TENM2: variants seen among roughly 807,000 people sequenced by gnomAD.
TENM2 encodes teneurin transmembrane protein 2.
A neutral mutation model predicts 245.2 loss-of-function variants in TENM2; 52 were observed. That is an observed-to-expected ratio of 0.21 (90% CI 0.17 to 0.27). TENM2 has a LOEUF of 0.27. Among genes scored for constraint, TENM2 ranks in the 10% least tolerant of loss-of-function variants. The probability of loss-of-function intolerance (pLI) is 1.00; values close to 1 mark genes in which losing one functional copy is unlikely to be tolerated. For missense variants in TENM2, 3,046 were observed against 3,666.8 expected (o/e 0.83, Z 4.37); for synonymous variants, 1,363 against 1,438.9 (o/e 0.95, Z 1.19).
At chr5:168,161,424 T>C (rs1757730792) in intron 12 of TENM2, among the ~76,000 whole-genome samples, 1 of 152,196 alleles carries the variant, frequency 6.6e-6, no homozygotes, top group African/African-American at 2.4e-5. Flanking sequence ...ATATCCCAAG[T>C]GCACAACTCT....
At chr5:167,199,097 T>TAAAAAAA in the TENM2 span, among the ~76,000 whole-genome samples, 43 of 79,222 alleles carry the variant, frequency 5.4e-4, no homozygotes, top group Admixed American at 8.3e-4. Context: ...TGATATGAAG[T>TAAAAAAA]AAAAAAAAAA....
chr5:168,163,012 G>A (rs1342020395), intron 13 of TENM2, among the ~76,000 whole-genome samples: 1 of 152,208 alleles, frequency 6.6e-6, no homozygotes, highest in East Asian at 1.9e-4. Flanking sequence ...AAAGGTGGCT[G>A]GGCCCTGGCG....
rs374864240 is a variant in TENM2, at chr5:167,328,976, G to A, written c.226+43913G>A. ...CCATATCCGTGATGTCTAAAATCGT[G>A]ACCAATATATGTTGGTTGAATGAAT... On this transcript the variant is annotated intron_variant, in intron 1 of 28. Coordinates refer to ENST00000518659, the Ensembl canonical transcript of TENM2. Among the ~76,000 whole-genome samples, 5 of 152,238 alleles carry A rather than the reference G, an allele frequency of 3.3e-5. No individual in the cohort carries two copies. The South Asian group carries it at 6.2e-4, about 19-fold the overall frequency.
At chr5:167,507,456 C>A (rs148147541) in intron 2 of TENM2, among the ~76,000 whole-genome samples, 1 of 152,116 alleles carries the variant, frequency 6.6e-6, no homozygotes, top group Non-Finnish European at 1.5e-5. Flanking sequence ...AAGAGTATAT[C>A]TTTTATATAA....
At chr5:167,582,817 A>G (rs1321859482) in intron 2 of TENM2, among the ~76,000 whole-genome samples, 3 of 152,154 alleles carry the variant, frequency 2.0e-5, no homozygotes, top group Admixed American at 6.5e-5. Flanking sequence ...ACACTTGACT[A>G]TTACATCCAA....
intron 1 of TENM2, among the ~76,000 whole-genome samples, chr5:167,304,802 T>C (rs957717378): frequency 6.6e-6 from 1 of 152,202 alleles, no homozygotes; most frequent in Non-Finnish European, 1.5e-5. Flanking sequence ...TCTAAACACA[T>C]GCTTAGCAAA....
At chr5:167,932,830 T>C (rs1016745758) in intron 3 of TENM2, among the ~76,000 whole-genome samples, 43 of 152,282 alleles carry the variant, frequency 2.8e-4, no homozygotes, top group African/African-American at 9.6e-4. Context: ...ATGTGGTCCG[T>C]GGCCATCGTT....
chr5:168,091,181 C>T (rs577829020), intron 8 of TENM2, among the ~76,000 whole-genome samples: 5 of 152,054 alleles, frequency 3.3e-5, no homozygotes, highest in East Asian at 1.9e-4. Context: ...AAACTACTGG[C>T]GATTCACATC....
At chr5:167,798,942 A>G (rs1384632154) in intron 2 of TENM2, among the ~76,000 whole-genome samples, 1 of 152,194 alleles carries the variant, frequency 6.6e-6, no homozygotes, top group Non-Finnish European at 1.5e-5. Context: ...TCTTCTGCCC[A>G]ATTGTCCCCA....
At chr5:167,151,175 G>A in the TENM2 span, among the ~76,000 whole-genome samples, 4 of 152,188 alleles carry the variant, frequency 2.6e-5, no homozygotes, top group African/African-American at 9.6e-5. Context: ...TAATAAAGGG[G>A]ATCTTGGGGA....
chr5:167,522,801 G>A (rs1434787222), intron 2 of TENM2, among the ~76,000 whole-genome samples: 1 of 130,052 alleles, frequency 7.7e-6, no homozygotes, highest in African/African-American at 2.9e-5. Flanking sequence ...ACTTTACCCA[G>A]CAAATAGGCC....
chr5:167,514,924 T>A (rs1160183995), intron 2 of TENM2, among the ~76,000 whole-genome samples: 1 of 152,026 alleles, frequency 6.6e-6, no homozygotes, highest in African/African-American at 2.4e-5. Context: ...GGCAGGAGAA[T>A]CGCTTGAACC....
intron 2 of TENM2, among the ~76,000 whole-genome samples, chr5:167,611,811 C>T (rs913637728): frequency 2.0e-4 from 31 of 152,004 alleles, no homozygotes; most frequent in Admixed American, 2.0e-3. Flanking sequence ...TCTGGGGCCT[C>T]TTCTATAACG....
At chr5:167,343,806 GTCTA>G in intron 1 of TENM2, among the ~76,000 whole-genome samples, 1 of 152,098 alleles carries the variant, frequency 6.6e-6, no homozygotes, top group South Asian at 2.1e-4. Context: ...AGTTATGATG[GTCTA>G]TCTTTTGGTA....
intron 2 of TENM2, among the ~76,000 whole-genome samples, chr5:167,795,217 G>C (rs557473843): frequency 1.3e-5 from 2 of 152,290 alleles, no homozygotes; most frequent in East Asian, 3.9e-4. Flanking sequence ...TTTAAGCAAA[G>C]TAGTAATCTC....
intron 2 of TENM2, among the ~76,000 whole-genome samples, chr5:167,436,139 C>T (rs563322363): frequency 3.0e-4 from 46 of 151,626 alleles, no homozygotes; most frequent in Non-Finnish European, 6.0e-4. Flanking sequence ...CCACCACACC[C>T]GGCTAATTTT....
intron 2 of TENM2, among the ~76,000 whole-genome samples, chr5:167,446,788 A>AACGCGCAC (rs1374181730): frequency 3.5e-4 from 32 of 92,346 alleles, no homozygotes; most frequent in Non-Finnish European, 5.7e-4. Flanking sequence ...CAGTTTTTGA[A>AACGCGCAC]ACACGCACAC....
At chr5:167,158,845 G>GCCCT in the TENM2 span, among the ~76,000 whole-genome samples, 184 of 119,480 alleles carry the variant, frequency 1.5e-3, 1 homozygote, top group African/African-American at 5.3e-3. Context: ...GTCCATAGCA[G>GCCCT]CCCTTCCTTC....
intron 2 of TENM2, among the ~76,000 whole-genome samples, chr5:167,614,251 G>T (rs1777644511): frequency 6.6e-6 from 1 of 152,096 alleles, no homozygotes; most frequent in Admixed American, 6.6e-5. Context: ...AAAAATGTAT[G>T]AACACGGTAA....
Sources: allele counts gnomAD v4.1 joint callset (sites outside exome capture counted in the v4.1 genomes callset), GRCh38; gene constraint gnomAD v4.1.1; transcripts MANE v1.5; gene names NCBI Gene and HGNC (gene_info 2026-07-23, HGNC 2026-07-21).